Variants in COL5A2 observed in about 807,000 individuals in gnomAD.
The protein encoded by COL5A2 is collagen alpha-2(V) chain.
COL5A2 carries 23 observed loss-of-function variants against 208.2 expected under a neutral mutation model. The ratio of observed to expected loss-of-function variants is 0.11; its 90% CI spans 0.08 to 0.16. COL5A2 has a LOEUF of 0.16. COL5A2 is among the 10% of genes least tolerant of loss of function. COL5A2 has a pLI of 1.00. For missense variants in COL5A2, 1,590 were observed against 1,956.4 expected, an observed-to-expected ratio of 0.81 and a Z score of 3.53; for synonymous variants, 625 against 628.5, an observed-to-expected ratio of 0.99 and a Z score of 0.08.
At chr2:189,351,602 C>A in the COL5A2 span, among the ~76,000 whole-genome samples, 13 of 152,004 alleles carry the variant, frequency 8.6e-5, no homozygotes, top group Non-Finnish European at 1.5e-5. Flanking sequence ...AATTTTGTGT[C>A]ATTTTGAATT....
At chr2:189,099,337 T>C (rs561627382) in intron 4 of COL5A2, among the ~76,000 whole-genome samples, 1 of 152,308 alleles carries the variant, frequency 6.6e-6, no homozygotes, top group East Asian at 1.9e-4. Context: ...ATGCATATTC[T>C]TTTTGTCTTG....
chr2:189,305,190 C>A, the COL5A2 span, among the ~76,000 whole-genome samples: 2 of 152,170 alleles, frequency 1.3e-5, no homozygotes, highest in Non-Finnish European at 2.9e-5. Flanking sequence ...CACAAATCTA[C>A]CATCCCAGTA....
the COL5A2 span, among the ~76,000 whole-genome samples, chr2:189,379,020 A>G: frequency 6.6e-6 from 1 of 152,148 alleles, no homozygotes; most frequent in Non-Finnish European, 1.5e-5. Context: ...TCTTCCAAAG[A>G]CCACTGTTAG....
the COL5A2 span, among the ~76,000 whole-genome samples, chr2:189,252,239 T>A: frequency 6.6e-6 from 1 of 152,202 alleles, no homozygotes; most frequent in South Asian, 2.1e-4. Flanking sequence ...AAATACCATT[T>A]GACCCAGCCA....
At chr2:189,122,137 T>A (rs1332547175) in intron 1 of COL5A2, among the ~76,000 whole-genome samples, 1 of 152,138 alleles carries the variant, frequency 6.6e-6, no homozygotes, top group Non-Finnish European at 1.5e-5. Context: ...CTAAGAACAT[T>A]CAAAATGTAA....
At chr2:189,249,398 G>A in the COL5A2 span, among the ~76,000 whole-genome samples, 2 of 152,096 alleles carry the variant, frequency 1.3e-5, no homozygotes, top group Non-Finnish European at 1.5e-5. Flanking sequence ...TTATAAATAG[G>A]GAGTAGATTG....
chr2:189,347,304 A>G, the COL5A2 span, among the ~76,000 whole-genome samples: 1 of 152,208 alleles, frequency 6.6e-6, no homozygotes, highest in Non-Finnish European at 1.5e-5. Flanking sequence ...GGACGCTTAC[A>G]TGAACAAATA....
chr2:189,133,177 G>C (rs1310878708), intron 1 of COL5A2: 1 of 141,356 alleles, frequency 7.1e-6, no homozygotes, highest in East Asian at 2.1e-4. Context: ...CTGGAATGCA[G>C]TGGCGCAATC....
chr2:189,397,603 A>G, the COL5A2 span, among the ~76,000 whole-genome samples: 27 of 115,300 alleles, frequency 2.3e-4, no homozygotes, highest in Non-Finnish European at 4.2e-4. Context: ...ATTTATTAGT[A>G]AAAATTTGTT....
intron 6 of COL5A2, among the ~76,000 whole-genome samples, chr2:189,093,913 T>G (rs1686844381): frequency 6.6e-6 from 1 of 152,204 alleles, no homozygotes; most frequent in Non-Finnish European, 1.5e-5. Flanking sequence ...CTGATTCTGT[T>G]CTTGCAATGC....
chr2:189,114,475 T>A (rs1169078902), intron 1 of COL5A2, among the ~76,000 whole-genome samples: 1 of 152,024 alleles, frequency 6.6e-6, no homozygotes, highest in Non-Finnish European at 1.5e-5. Flanking sequence ...AAAGTTGTCA[T>A]AATAGAATTA....
the COL5A2 span, among the ~76,000 whole-genome samples, chr2:189,435,561 C>G: frequency 6.6e-6 from 1 of 152,092 alleles, no homozygotes; most frequent in African/African-American, 2.4e-5. Flanking sequence ...ATGCAGCCAA[C>G]ACACACATGA....
chr2:189,094,375 A>G (rs1393748343), intron 6 of COL5A2, among the ~76,000 whole-genome samples: 1 of 152,038 alleles, frequency 6.6e-6, no homozygotes, highest in African/African-American at 2.4e-5. Flanking sequence ...GCTGAATTAC[A>G]TAATTCTTAT....
chr2:189,101,331 A>T (rs919190933), intron 3 of COL5A2, among the ~76,000 whole-genome samples: 1 of 152,138 alleles, frequency 6.6e-6, no homozygotes, highest in Admixed American at 6.6e-5. Context: ...AATATTTTTT[A>T]AAAAACCCTA....
the COL5A2 span, among the ~76,000 whole-genome samples, chr2:189,246,523 G>C: frequency 6.6e-6 from 1 of 152,158 alleles, no homozygotes; most frequent in Non-Finnish European, 1.5e-5. Flanking sequence ...CATGCTAGAG[G>C]TAACGCTGAG....
At chr2:189,066,561 C>T (rs1219655636) in intron 22 of COL5A2, 64 bp from the exon 23 acceptor site, 2 of 1,521,298 alleles carry the variant, frequency 1.3e-6, no homozygotes, top group African/African-American at 1.4e-5. Flanking sequence ...TAGTTGGAAG[C>T]CTAATTTAAC....
the COL5A2 span, among the ~76,000 whole-genome samples, chr2:189,361,803 T>C: frequency 3.3e-5 from 5 of 152,108 alleles, no homozygotes; most frequent in Non-Finnish European, 7.4e-5. Context: ...GTGGTTACCA[T>C]GAGGCTTACA....
rs548352939 is a variant in COL5A2, at chr2:189,092,325, G to C, written c.552C>G (p.Pro184=). 2.5e-6 allele frequency: 4 copies of C among 1,606,748 alleles called. No individual in the cohort carries two copies. The highest frequency in any genetic ancestry group is 1.3e-5 in the African/African-American group (1 of 74,772). ...GPPGHPSHPG[P]DGLSRPFSAQ... ...CACAACTCACCCTGCTCAAGCCATC[G>C]GGTCCTGGGTGGGACGGATGTCCAG... The change falls in exon 7 of 54, where the codon CCC becomes CCG. Residue 184 remains proline, a synonymous_variant. Coordinates refer to ENST00000374866, the MANE Select transcript of COL5A2 (RefSeq NM_000393.5).
At chr2:189,261,094 T>C in the COL5A2 span, among the ~76,000 whole-genome samples, 1 of 152,120 alleles carries the variant, frequency 6.6e-6, no homozygotes, top group Admixed American at 6.5e-5. Context: ...TCACCCAAAC[T>C]TTTCCATAAA....
Sources: gnomAD v4.1 joint callset for allele counts (sites outside exome capture counted in the v4.1 genomes callset) on GRCh38, gnomAD v4.1.1 for gene constraint, MANE v1.5 for transcripts, NCBI Gene and HGNC (gene_info 2026-07-23, HGNC 2026-07-21) for gene names.